The following SEZ6L variants were observed in gnomAD, a reference collection of about 807,000 sequenced individuals.
SEZ6L encodes seizure 6-like protein.
Under a neutral mutation model 106.2 loss-of-function variants are expected in SEZ6L, and 37 were observed. The ratio of observed to expected loss-of-function variants is 0.35; its 90% CI spans 0.27 to 0.46. SEZ6L has a LOEUF of 0.46. Among genes scored for constraint, SEZ6L ranks in the 20% least tolerant of loss-of-function variants. SEZ6L has a pLI of 1.00. For synonymous variants in SEZ6L, 541 were observed against 570.4 expected (o/e 0.95, Z 0.73); for missense variants, 1,172 against 1,332.8 (o/e 0.88, Z 1.88).
chr22:26,186,359 C>T (rs1400445143), intron 1 of SEZ6L, among the ~76,000 whole-genome samples: 2 of 152,176 alleles, frequency 1.3e-5, no homozygotes, highest in Non-Finnish European at 2.9e-5. Flanking sequence ...CTTGTTAGAG[C>T]ATAATAAAGC....
At position 26,310,816 on chromosome 22, in the gene SEZ6L, C is replaced by T. The variant is rs967540696; in HGVS notation, c.1661C>T (p.Thr554Ile). The T allele has an allele frequency of 9.9e-6, 16 of 1,613,932 alleles. No homozygotes were observed. The highest frequency in any genetic ancestry group is 1.0e-5 in the Non-Finnish European group (12 of 1,180,010). Residue 554 changes from threonine (T) to isoleucine (I), a missense_variant, in exon 7 of 17, where the codon ACC (threonine) becomes ATC (isoleucine). Coordinates refer to ENST00000248933, the MANE Select transcript of SEZ6L (RefSeq NM_021115.5). ...FTSDQARAASTFNIRFEAFEK... is the reference protein window; with the variant it reads ...FTSDQARAASIFNIRFEAFEK... ...TCCGACCAGGCCCGGGCGGCCTCCA[C>T]CTTCAACATCCGATTTGAAGGTGAG...
At chr22:26,318,624 A>T (rs2082072046) in intron 9 of SEZ6L, among the ~76,000 whole-genome samples, 1 of 152,200 alleles carries the variant, frequency 6.6e-6, no homozygotes, top group Non-Finnish European at 1.5e-5. Context: ...TGTTCTTTGG[A>T]TTAATCCCAT....
chr22:26,271,089 A>G (rs2080350145), intron 1 of SEZ6L, among the ~76,000 whole-genome samples: 1 of 152,194 alleles, frequency 6.6e-6, no homozygotes, highest in Non-Finnish European at 1.5e-5. Flanking sequence ...TTGGGTGCAC[A>G]TGTGTCTGGG....
intron 14 of SEZ6L, 110 bp from the exon 15 acceptor site, chr22:26,375,458 TCCCAGAG>T: frequency 1.3e-6 from 1 of 782,196 alleles, no homozygotes; most frequent in Non-Finnish European, 2.2e-6. Flanking sequence ...TCTAAGGCCC[TCCCAGAG>T]CCTTAGACCT....
At chr22:26,231,003 A>G (rs905623926) in intron 1 of SEZ6L, among the ~76,000 whole-genome samples, 2 of 152,190 alleles carry the variant, frequency 1.3e-5, no homozygotes, top group African/African-American at 2.4e-5. Flanking sequence ...GGCTTAGCCC[A>G]GGAGGGTTCT....
rs137198 is a variant in SEZ6L, at chr22:26,284,604, CAAAAAA to C, written c.95-7779_95-7774del. On this transcript the variant is annotated intron_variant, in intron 1 of 16. Coordinates refer to ENST00000248933, the MANE Select transcript of SEZ6L (RefSeq NM_021115.5). ...CAGCCTTGATGACAGATCAGGACTCCAAAAAAAAAAAAAAAAAAAAAAAAAAAACCC... is the reference window on the plus strand; with the variant it reads ...CAGCCTTGATGACAGATCAGGACTCCAAAAAAAAAAAAAAAAAAAAAACCC... 1.9e-4 allele frequency among the ~76,000 whole-genome samples: 12 copies of C among 64,032 alleles called. No individual in the cohort carries two copies. The South Asian group carries it at 3.1e-3, about 16-fold the overall frequency. The allele number at this position is 64,032 out of a possible 152,430, so 42.0% of individuals were successfully genotyped here.
chr22:26,247,573 G>T (rs1162484423), intron 1 of SEZ6L, among the ~76,000 whole-genome samples: 1 of 152,108 alleles, frequency 6.6e-6, no homozygotes, highest in Non-Finnish European at 1.5e-5. Flanking sequence ...GAACACCAAG[G>T]ATTGCCAGGG....
At chr22:26,268,489 T>C (rs2080259027) in intron 1 of SEZ6L, among the ~76,000 whole-genome samples, 1 of 152,068 alleles carries the variant, frequency 6.6e-6, no homozygotes, top group African/African-American at 2.4e-5. Flanking sequence ...TCCAGCACAC[T>C]CCCTCTTCAG....
chr22:26,171,508 G>GAA (rs199605745), intron 1 of SEZ6L, among the ~76,000 whole-genome samples: 1 of 151,030 alleles, frequency 6.6e-6, no homozygotes, highest in African/African-American at 2.4e-5. Context: ...ACCTTGCAGG[G>GAA]AAAAAAAAAT....
intron 4 of SEZ6L, 150 bp from the exon 5 acceptor site, chr22:26,298,834 A>G (rs1295002927): frequency 4.8e-6 from 3 of 627,298 alleles, no homozygotes; most frequent in Admixed American, 4.1e-5. Context: ...ATGATCAAAG[A>G]GAGTCACAAA....
intron 1 of SEZ6L, among the ~76,000 whole-genome samples, chr22:26,256,104 A>G (rs546752131): frequency 1.6e-4 from 24 of 152,332 alleles, no homozygotes; most frequent in Non-Finnish European, 3.5e-4. Context: ...TTCTCACAAA[A>G]GGAGAAATAA....
rs371063040 is a variant in SEZ6L, at chr22:26,342,761, T to G, written c.2212+2129T>G. Among the ~76,000 whole-genome samples the G allele has an allele frequency of 1.2e-4, 19 of 152,194 alleles. No individual in the cohort carries two copies. The East Asian group carries it at 3.1e-3, about 25-fold the overall frequency. On this transcript the variant is annotated intron_variant, in intron 10 of 16. Transcript: ENST00000248933. ...AGGTTGGTGCAGAAGTAATTATGAT[T>G]TTTGGAGTTTTAATTTGCAAAAACT...
At position 26,381,729 on chromosome 22, in the gene SEZ6L, G is replaced by A. The variant is rs2084415927; in HGVS notation, c.*1434G>A. 1 of 246,990 alleles carries A rather than the reference G, an allele frequency of 4.0e-6. No homozygotes were observed. Among genetic ancestry groups the A allele is most frequent in the African/African-American group, 2.2e-5 (1 of 44,532 alleles). 15.3% of individuals were successfully genotyped at this position (246,990 alleles called of 1,614,324 possible). On this transcript the variant is annotated 3_prime_UTR_variant, in exon 17 of 17. Coordinates refer to ENST00000248933, the MANE Select transcript of SEZ6L (RefSeq NM_021115.5). ...TACAGGTATAAAGAGAAGGTGGAGG[G>A]TGCGGGTGCATGGAAGAAATACTAT...
intron 1 of SEZ6L, among the ~76,000 whole-genome samples, chr22:26,278,082 A>G (rs2145852286): frequency 6.6e-6 from 1 of 152,230 alleles, no homozygotes; most frequent in South Asian, 2.1e-4. Flanking sequence ...GAGGATGGGG[A>G]AATTTGCTGG....
At chr22:26,182,099 A>T (rs991570621) in intron 1 of SEZ6L, among the ~76,000 whole-genome samples, 6 of 152,152 alleles carry the variant, frequency 3.9e-5, no homozygotes, top group Non-Finnish European at 8.8e-5. Flanking sequence ...ACCTCTCAAC[A>T]CTACATCTCC....
At chr22:26,329,683 G>A (rs2082422429) in intron 9 of SEZ6L, among the ~76,000 whole-genome samples, 1 of 152,208 alleles carries the variant, frequency 6.6e-6, no homozygotes, top group African/African-American at 2.4e-5. Context: ...TGCCTGGCAA[G>A]GTTGTGCTGC....
chr22:26,231,522 C>T (rs553543197), intron 1 of SEZ6L, among the ~76,000 whole-genome samples: 6 of 152,332 alleles, frequency 3.9e-5, no homozygotes, highest in African/African-American at 1.2e-4. Context: ...TCTATCTGTA[C>T]TGCAAGGAGA....
chr22:26,372,273 G>T (rs1423217880), intron 13 of SEZ6L, among the ~76,000 whole-genome samples: 1 of 152,108 alleles, frequency 6.6e-6, no homozygotes, highest in Non-Finnish European at 1.5e-5. Flanking sequence ...TGCCCTGTGG[G>T]GTTCATGAGC....
intron 1 of SEZ6L, among the ~76,000 whole-genome samples, chr22:26,245,117 GCC>G (rs2079288769): frequency 6.6e-6 from 1 of 152,134 alleles, no homozygotes; most frequent in South Asian, 2.1e-4. Flanking sequence ...GGTTTCCCGT[GCC>G]CCTTTGTGGT....
Sources: allele counts gnomAD v4.1 joint callset (sites outside exome capture counted in the v4.1 genomes callset), GRCh38; gene constraint gnomAD v4.1.1; transcripts MANE v1.5; gene names NCBI Gene and HGNC (gene_info 2026-07-23, HGNC 2026-07-21).